Variants in WWC1 observed in about 807,000 individuals in gnomAD.
WWC1 encodes the protein WW and C2 domain containing 1.
In WWC1, 55 loss-of-function variants were observed where a neutral mutation model predicts 138.4. The observed-to-expected ratio is 0.40, with a 90% CI of 0.32 to 0.50. WWC1 has a LOEUF of 0.50. Ranked by LOEUF, WWC1 falls within the 20% of genes least tolerant of loss-of-function variation. WWC1 has a pLI of 0.72. For synonymous variants in WWC1, 524 were observed against 564.9 expected (o/e 0.93, Z 1.03); for missense variants, 1,226 against 1,420.4 (o/e 0.86, Z 2.20).
At chr5:168,444,623 G>T (rs200991905) in intron 17 of WWC1, 38 bp downstream of exon 17, 90 of 1,606,656 alleles carry the variant, frequency 5.6e-5, no homozygotes, top group Middle Eastern at 3.8e-4. Flanking sequence ...GAGCTGCCCT[G>T]CCTGGACCTA....
In WWC1 at chr5:168,422,016, T is replaced by G; in HGVS notation, c.1193T>G (p.Leu398Ter). 6.2e-7 allele frequency: 1 copy of G among 1,611,196 alleles called. No homozygotes were observed. Among genetic ancestry groups the G allele is most frequent in the Non-Finnish European group, 8.5e-7 (1 of 1,178,314 alleles). ...QSKALTERLKLNSKRNQLVRE... is the reference protein window; with the variant it reads ...QSKALTERLK Reference sequence around the variant, plus strand: ...GCTTTCTCTCCTTCCAGGTTAAAGTTAAACAGTAAGAGGAACCAGCTTGTG... The same window carrying G: ...GCTTTCTCTCCTTCCAGGTTAAAGTGAAACAGTAAGAGGAACCAGCTTGTG... Residue 398 changes from leucine to a stop codon, truncating the protein, a stop_gained, in exon 10 of 23, where the codon TTA becomes TGA. Coordinates refer to ENST00000265293, the MANE Select transcript of WWC1 (RefSeq NM_015238.3). LOFTEE classifies it high-confidence loss of function.
chr5:168,443,113 T>C (rs1284682552), intron 16 of WWC1, among the ~76,000 whole-genome samples: 2 of 152,158 alleles, frequency 1.3e-5, no homozygotes, highest in Non-Finnish European at 2.9e-5. Context: ...TCAGGTTTTC[T>C]TGTAATCATC....
At chr5:168,345,458 C>T (rs940640465) in intron 1 of WWC1, among the ~76,000 whole-genome samples, 1 of 152,162 alleles carries the variant, frequency 6.6e-6, no homozygotes, top group African/African-American at 2.4e-5. Context: ...GGATTTTCTC[C>T]TTTTCAGTTG....
intron 1 of WWC1, among the ~76,000 whole-genome samples, chr5:168,298,596 C>G (rs982500621): frequency 6.6e-6 from 1 of 152,018 alleles, no homozygotes; most frequent in African/African-American, 2.4e-5. Context: ...TTTAAAAACA[C>G]TAGGATAGAT....
chr5:168,296,371 C>A (rs1769539794), intron 1 of WWC1, among the ~76,000 whole-genome samples: 1 of 152,116 alleles, frequency 6.6e-6, no homozygotes, highest in Non-Finnish European at 1.5e-5. Flanking sequence ...TTTTGCTAAC[C>A]CTGTTATTTC....
chr5:168,414,032 C>G (rs1780408178), intron 8 of WWC1: 1 of 307,184 alleles, frequency 3.3e-6, no homozygotes, highest in Non-Finnish European at 6.1e-6. Flanking sequence ...AGCAACTTGC[C>G]CAAGGCCACA....
intron 15 of WWC1, 108 bp from the exon 16 acceptor site, chr5:168,441,574 C>T (rs1248634050): frequency 8.7e-7 from 1 of 1,151,996 alleles, no homozygotes; most frequent in Non-Finnish European, 1.2e-6. Context: ...ATGCCTACCT[C>T]TCATCTGGAG....
rs150345764 is a variant in WWC1 at position 168,377,324 on chromosome 5, G to C, written c.229+5791G>C. 9.5e-4 allele frequency among the ~76,000 whole-genome samples: 145 copies of C among 152,238 alleles called. 2 individuals carry two copies. In the East Asian group the frequency reaches 0.025, roughly 26 times the overall value. On this transcript the variant is annotated intron_variant, in intron 2 of 22. Transcript: ENST00000265293. ...AAATGTAAGACCTCAAACTATAAGA[G>C]GCCTAGAAGAGAACCTAGAAAACAC...
chr5:168,369,096 T>C (rs1241894349), intron 1 of WWC1, among the ~76,000 whole-genome samples: 1 of 152,246 alleles, frequency 6.6e-6, no homozygotes, highest in African/African-American at 2.4e-5. Flanking sequence ...GCCATCTTGC[T>C]TGAAATCCCA....
rs143016933 is a variant in WWC1, at chr5:168,297,369, A to G, written c.119+5098A>G. Among the ~76,000 whole-genome samples the G allele has an allele frequency of 1.8e-3, 277 of 152,238 alleles. 2 individuals are homozygous for G. Among genetic ancestry groups the G allele is most frequent in the African/African-American group, 6.3e-3 (263 of 41,562 alleles). On this transcript the variant is annotated intron_variant, in intron 1 of 22. Transcript: ENST00000265293. ...CAGCCTGGTGCGGTGGCTCATGCCT[A>G]TAATCCCAGCACTTTGGGAGGCTGA...
intron 3 of WWC1, among the ~76,000 whole-genome samples, chr5:168,388,773 T>C (rs1047442012): frequency 1.3e-5 from 2 of 151,300 alleles, no homozygotes; most frequent in African/African-American, 2.4e-5. Flanking sequence ...GAGGTTGCAG[T>C]GAGCCAAGAT....
chr5:168,415,134 A>G (rs1780509714), intron 9 of WWC1: 1 of 158,310 alleles, frequency 6.3e-6, no homozygotes, highest in Non-Finnish European at 1.4e-5. Flanking sequence ...TGGCATGCTT[A>G]TAGGAGCCAA....
chr5:168,317,716 A>G (rs1179716276), intron 1 of WWC1, among the ~76,000 whole-genome samples: 1 of 152,148 alleles, frequency 6.6e-6, no homozygotes, highest in African/African-American at 2.4e-5. Flanking sequence ...TACTGGAGAG[A>G]TTAAAAGGCT....
intron 1 of WWC1, among the ~76,000 whole-genome samples, chr5:168,345,157 G>T: frequency 6.6e-6 from 1 of 151,890 alleles, no homozygotes; most frequent in East Asian, 1.9e-4. Context: ...CAGGCTGGAG[G>T]GCAGTGGTGC....
chr5:168,303,410 A>G (rs1413136781), intron 1 of WWC1, among the ~76,000 whole-genome samples: 2 of 152,118 alleles, frequency 1.3e-5, no homozygotes, highest in African/African-American at 2.4e-5. Context: ...CAGCCTGGAC[A>G]AGAAAGTGGG....
intron 11 of WWC1, among the ~76,000 whole-genome samples, chr5:168,425,175 G>T (rs555552686): frequency 6.6e-6 from 1 of 152,274 alleles, no homozygotes; most frequent in East Asian, 1.9e-4. Context: ...GAACCTGAGT[G>T]TTTCTGGCCC....
rs1756097080 is a variant in WWC1 at position 168,454,191 on chromosome 5, T to A, written c.2658+91T>A. 6.5e-6 allele frequency: 10 copies of A among 1,539,486 alleles called. No individual in the cohort carries two copies. In the South Asian group the frequency reaches 7.6e-5, roughly 12 times the overall value. ...CAGTCAGAAAAGACTCAGAGCTAAG[T>A]CTTGGCTTCCAGCATCAGGGCACAA... is the stretch of plus-strand genomic sequence containing the variant. On this transcript the variant is annotated intron_variant, in intron 18 of 22. Transcript: ENST00000265293.
intron 9 of WWC1, among the ~76,000 whole-genome samples, chr5:168,421,754 C>T (rs1781101411): frequency 6.6e-6 from 1 of 152,172 alleles, no homozygotes; most frequent in Non-Finnish European, 1.5e-5. Context: ...TCTTACTATG[C>T]AGCATTATTG....
intron 15 of WWC1, among the ~76,000 whole-genome samples, chr5:168,433,441 G>A (rs1437225409): frequency 6.6e-6 from 1 of 152,238 alleles, no homozygotes; most frequent in Non-Finnish European, 1.5e-5. Flanking sequence ...GTACAACACA[G>A]CATCACTGCT....
Sources: gnomAD v4.1 joint callset for allele counts (sites outside exome capture counted in the v4.1 genomes callset) on GRCh38, gnomAD v4.1.1 for gene constraint, MANE v1.5 for transcripts, NCBI Gene and HGNC (gene_info 2026-07-23, HGNC 2026-07-21) for gene names.